Variants in KIF24 observed in about 807,000 individuals in gnomAD.
KIF24 encodes kinesin-like protein KIF24.
In KIF24, 81 loss-of-function variants were observed where a neutral mutation model predicts 118.9. The ratio of observed to expected loss-of-function variants is 0.68; its 90% CI spans 0.57 to 0.82. The LOEUF is 0.82. Among genes scored for constraint, KIF24 ranks in the 40% least tolerant of loss-of-function variants. KIF24 has a pLI of 0.00. For missense variants in KIF24, 1,560 were observed against 1,661.6 expected (o/e 0.94, Z 1.06); for synonymous variants, 599 against 610.0 (o/e 0.98, Z 0.27).
intron 9 of KIF24, among the ~76,000 whole-genome samples, chr9:34,262,827 C>T (rs1835144728): frequency 6.7e-6 from 1 of 150,168 alleles, no homozygotes; most frequent in African/African-American, 2.5e-5. Context: ...CACCACTGCA[C>T]TCTAGCCTGG....
intron 9 of KIF24, 84 bp from the exon 10 acceptor site, chr9:34,259,789 C>G (rs561965823): frequency 1.2e-6 from 1 of 821,406 alleles, no homozygotes; most frequent in South Asian, 1.5e-5. Context: ...GGATGCTGGG[C>G]CATAGTTCCC....
At chr9:34,276,747 C>T (rs890083402) in intron 6 of KIF24, among the ~76,000 whole-genome samples, 4 of 152,148 alleles carry the variant, frequency 2.6e-5, no homozygotes, top group Non-Finnish European at 5.9e-5. Context: ...CATGATGAAT[C>T]CTTTTGTAAA....
chr9:34,293,142 A>C (rs1836317522), intron 4 of KIF24, among the ~76,000 whole-genome samples: 1 of 152,162 alleles, frequency 6.6e-6, no homozygotes, highest in Non-Finnish European at 1.5e-5. Flanking sequence ...AAAACAACAA[A>C]GCACAAAAAA....
rs1834643147 is a variant in KIF24 at position 34,252,723 on chromosome 9, A to G, written c.*1657T>C. ...AGGCAAGCCTAGACTGAGTCTTTTA[A>G]ACCTGGCCCAGCTCCGTCTGTGGAC... On this transcript the variant is annotated 3_prime_UTR_variant, in exon 13 of 13. Coordinates refer to ENST00000402558, the MANE Select transcript of KIF24 (RefSeq NM_194313.4). 6.6e-6 allele frequency: 1 copy of G among 152,140 alleles called. No homozygotes were observed. The highest frequency in any genetic ancestry group is 6.5e-5 in the Admixed American group (1 of 15,274). The allele number at this position is 152,140 out of a possible 1,614,324, so 9.4% of individuals were successfully genotyped here. A position where few individuals can be genotyped will look rare whatever the true frequency, so the allele number is the denominator to read the frequency against.
intron 3 of KIF24, among the ~76,000 whole-genome samples, chr9:34,304,165 T>C (rs1236000503): frequency 2.6e-5 from 4 of 152,166 alleles, no homozygotes; most frequent in Non-Finnish European, 4.4e-5. Flanking sequence ...TGTTTAAAAA[T>C]AAAGCCCAAA....
Position 34,279,899 on chromosome 9 carries a change from A to G in KIF24, c.1215+6718T>C, listed in dbSNP as rs374929748. On this transcript the variant is annotated intron_variant, in intron 6 of 12. Coordinates refer to ENST00000402558, the MANE Select transcript of KIF24 (RefSeq NM_194313.4). ...GCTGGCTTCCTCCTTGTACAACACCATATGTCCTGCAGACTGAGGGTATCA... is the reference window on the plus strand; with the variant it reads ...GCTGGCTTCCTCCTTGTACAACACCGTATGTCCTGCAGACTGAGGGTATCA... Among the ~76,000 whole-genome samples, 11 of 152,314 alleles carry G rather than the reference A, an allele frequency of 7.2e-5. No individual in the cohort carries two copies. In the East Asian group the frequency reaches 1.7e-3, roughly 24 times the overall value.
intron 12 of KIF24, 51 bp from the exon 13 acceptor site, chr9:34,254,571 G>A (rs1834745710): frequency 1.3e-6 from 2 of 1,572,790 alleles, no homozygotes; most frequent in Non-Finnish European, 1.7e-6. Context: ...CTGGCGCTCT[G>A]CCAGATCTGC....
At chr9:34,263,230 C>T in intron 8 of KIF24, 58 bp from the exon 9 acceptor site, 1 of 1,189,916 alleles carries the variant, frequency 8.4e-7, no homozygotes, top group Non-Finnish European at 1.2e-6. Context: ...AGTAACAGAC[C>T]TGATGCCGCC....
intron 1 of KIF24, among the ~76,000 whole-genome samples, chr9:34,313,685 A>G (rs1837241201): frequency 6.6e-6 from 1 of 151,670 alleles, no homozygotes. Context: ...GAAAGGTATA[A>G]AAACTTCCCA....
At chr9:34,260,417 A>G (rs1014318061) in intron 9 of KIF24, among the ~76,000 whole-genome samples, 4 of 152,202 alleles carry the variant, frequency 2.6e-5, no homozygotes, top group African/African-American at 9.7e-5. Flanking sequence ...TGTACTTAGG[A>G]ACACAGAAAG....
At chr9:34,259,858 A>G (rs764647678) in intron 9 of KIF24, among the ~76,000 whole-genome samples, 153 bp from the exon 10 acceptor site, 3 of 152,196 alleles carry the variant, frequency 2.0e-5, no homozygotes, top group Non-Finnish European at 4.4e-5. Context: ...TGGCCAATAA[A>G]CACAGAAAAA....
chr9:34,255,883 T>C lies in KIF24; in HGVS notation c.3724A>G (p.Ile1242Val), dbSNP rs1245934543. 1 of 1,614,020 alleles carries C rather than the reference T, an allele frequency of 6.2e-7. No individual in the cohort carries two copies. ...WQEFGLSTDP[I>V]KLPCNSENVT... ...TTTTCACTGTTGCAGGGCAACTTGA[T>C]GGGGTCTGTGGACAAACCAAACTCC... Residue 1242 changes from isoleucine to valine, a missense_variant, in exon 11 of 13, where the codon ATC becomes GTC. Physicochemically the swap from Ile to Val is conservative, Grantham distance 29. Coordinates refer to ENST00000402558, the MANE Select transcript of KIF24 (RefSeq NM_194313.4).
intron 5 of KIF24, among the ~76,000 whole-genome samples, chr9:34,287,218 G>A (rs1490677674): frequency 6.6e-6 from 1 of 152,190 alleles, no homozygotes; most frequent in Non-Finnish European, 1.5e-5. Flanking sequence ...AAATAAACTG[G>A]GTCCTTATTG....
At chr9:34,330,688 G>A (rs552563394), upstream of KIF24, among the ~76,000 whole-genome samples, 1 of 152,330 alleles carries the variant, frequency 6.6e-6, no homozygotes, top group African/African-American at 2.4e-5. Flanking sequence ...GCGGCCGGGC[G>A]CGGTGGCTCA....
At position 34,286,653 on chromosome 9, in the gene KIF24, T is replaced by C; in HGVS notation, c.1179A>G (p.Gln393=). The C allele has an allele frequency of 6.2e-7, 1 of 1,611,640 alleles. No individual in the cohort carries two copies. Among genetic ancestry groups the C allele is most frequent in the Non-Finnish European group, 8.5e-7 (1 of 1,177,808 alleles). Residue 393 remains glutamine, a synonymous_variant, in exon 6 of 13, where the codon CAA becomes CAG. Transcript: ENST00000402558. ...GCTCCACACTGTCCACCTGAAGCTCTTGCAGTCCCACTATCTGCACCATGT... is the reference window on the plus strand; with the variant it reads ...GCTCCACACTGTCCACCTGAAGCTCCTGCAGTCCCACTATCTGCACCATGT... ...SKHMVQIVGL[Q]ELQVDSVELL... is the part of the protein sequence containing the mutation.
At chr9:34,298,512 C>T (rs1587952294) in intron 3 of KIF24, among the ~76,000 whole-genome samples, 1 of 150,254 alleles carries the variant, frequency 6.7e-6, no homozygotes, top group East Asian at 1.9e-4. Context: ...CACCATTGCA[C>T]TCCAGCCTGG....
Position 34,257,441 on chromosome 9 carries a change from G to T in KIF24, c.2166C>A (p.Leu722=), listed in dbSNP as rs1834896484. The change falls in exon 11 of 13, where the codon CTC becomes CTA. Residue 722 remains leucine, a synonymous_variant. Transcript: ENST00000402558. The stretch of plus-strand genomic sequence containing the variant: ...CCCTGTGGTGGGCGTTGCCAAAGGA[G>T]AGCTCAACTCGAGACACAAGCTGCT... ...VQKQLVSRVE[L]SFGNAHHRAE... 1.2e-6 allele frequency: 2 copies of T among 1,614,072 alleles called. No individual in the cohort carries two copies. The highest frequency in any genetic ancestry group is 1.7e-6 in the Non-Finnish European group (2 of 1,179,912).
In KIF24 at chr9:34,297,125, A is replaced by C. The variant is rs376351964; in HGVS notation, c.814-11T>G. ...AAAATAAAAAACATGCTGAAAAATA[A>C]ATTTGATTTTATGGAAAGAGACACA... is the stretch of plus-strand genomic sequence containing the variant. On this transcript the variant is annotated splice_polypyrimidine_tract_variant and intron_variant, in intron 3 of 12. Coordinates refer to ENST00000402558, the MANE Select transcript of KIF24 (RefSeq NM_194313.4). 396 of 1,494,660 alleles carry C rather than the reference A, an allele frequency of 2.6e-4. No homozygotes were observed. The highest frequency in any genetic ancestry group is 3.4e-4 in the Non-Finnish European group (367 of 1,093,872). The allele number at this position is 1,494,660 out of a possible 1,614,324, so 92.6% of individuals were successfully genotyped here.
intron 8 of KIF24, among the ~76,000 whole-genome samples, chr9:34,265,384 G>A (rs1301005181): frequency 1.3e-5 from 2 of 152,110 alleles, no homozygotes; most frequent in Non-Finnish European, 2.9e-5. Context: ...TGCCCAGGCT[G>A]GTCCTGAACT....
Sources: allele counts gnomAD v4.1 joint callset (sites outside exome capture counted in the v4.1 genomes callset), GRCh38; gene constraint gnomAD v4.1.1; transcripts MANE v1.5; gene names NCBI Gene and HGNC (gene_info 2026-07-23, HGNC 2026-07-21).